STAT4: variants seen among roughly 807,000 people sequenced by gnomAD.
STAT4 encodes the protein signal transducer and activator of transcription 4.
In STAT4, 42 loss-of-function variants were observed where a neutral mutation model predicts 110.5. The observed-to-expected ratio is 0.38, with a 90% CI of 0.30 to 0.49. The LOEUF (loss-of-function observed/expected upper bound fraction) is 0.49. Among genes scored for constraint, STAT4 ranks in the 20% least tolerant of loss-of-function variants. STAT4 has a pLI of 0.95. For missense variants in STAT4, 632 were observed against 887.9 expected (o/e 0.71, Z 3.66); for synonymous variants, 284 against 302.2 (o/e 0.94, Z 0.63).
At chr2:191,036,835 C>T (rs780859806) in intron 16 of STAT4, among the ~76,000 whole-genome samples, 4 of 152,164 alleles carry the variant, frequency 2.6e-5, no homozygotes, top group South Asian at 2.1e-4. Flanking sequence ...GTAACAATTA[C>T]GCTTATGACA....
chr2:191,137,657 T>C (rs1267370391), intron 3 of STAT4, among the ~76,000 whole-genome samples: 2 of 152,158 alleles, frequency 1.3e-5, no homozygotes, highest in Admixed American at 6.5e-5. Context: ...ATGTTACTGG[T>C]ATAAAAACAG....
chr2:191,100,168 C>A (rs1574154920), intron 3 of STAT4, among the ~76,000 whole-genome samples: 1 of 152,154 alleles, frequency 6.6e-6, no homozygotes, highest in Non-Finnish European at 1.5e-5. Context: ...TAAAACCATT[C>A]TCTGATGACT....
intron 4 of STAT4, 180 bp downstream of exon 4, chr2:191,076,047 T>C: frequency 1.9e-6 from 1 of 517,984 alleles, no homozygotes. Context: ...GGAGACAGGG[T>C]CTTGCTGCAT....
In STAT4 at chr2:191,147,049, T is replaced by C. The variant is rs940446630; in HGVS notation, c.129-292A>G. Among the ~76,000 whole-genome samples the C allele has an allele frequency of 6.6e-6, 1 of 152,102 alleles. No individual in the cohort carries two copies. The highest frequency in any genetic ancestry group is 6.6e-5 in the Admixed American group (1 of 15,260). On this transcript the variant is annotated intron_variant, in intron 2 of 23. Transcript: ENST00000392320. This position sits in a 1 kb window ranked among gnomAD's most constrained non-coding sequence, Gnocchi z 4.1. ...AGGATACAGAGAAATTGTGCAATGCTGGTGGGAAGGTAAAATGGTCAATCA... is the reference window on the plus strand; with the variant it reads ...AGGATACAGAGAAATTGTGCAATGCCGGTGGGAAGGTAAAATGGTCAATCA...
chr2:191,129,442 G>A (rs112237114), intron 3 of STAT4, among the ~76,000 whole-genome samples: 3 of 152,056 alleles, frequency 2.0e-5, no homozygotes, highest in African/African-American at 7.2e-5. Context: ...AAAAGAAAAG[G>A]TCTCTTTTAA....
In STAT4 at chr2:191,135,884, C is replaced by G. The variant is rs1259683477; in HGVS notation, c.273+10729G>C. 1.3e-5 allele frequency among the ~76,000 whole-genome samples: 2 copies of G among 152,130 alleles called. No individual in the cohort carries two copies. Among genetic ancestry groups the G allele is most frequent in the Middle Eastern group, 3.4e-3 (1 of 294 alleles). On this transcript the variant is annotated intron_variant, in intron 3 of 23. Coordinates refer to ENST00000392320, the MANE Select transcript of STAT4 (RefSeq NM_003151.4). This position sits in a 1 kb window ranked among gnomAD's most constrained non-coding sequence, Gnocchi z 4.8. ...TAGCTCGTTCTATGCCAGCACTACCCTGGTACCAAAACCAGACAAGGACAC... is the reference window on the plus strand; with the variant it reads ...TAGCTCGTTCTATGCCAGCACTACCGTGGTACCAAAACCAGACAAGGACAC...
At position 191,033,474 on chromosome 2, in the gene STAT4, A is replaced by C. The variant is rs1186091458; in HGVS notation, c.1852+16T>G. ...GAAAACTAATTTCACATGAATAAAC[A>C]TTAGTGAGTATATACCACTTTCAGA... On this transcript the variant is annotated intron_variant, in intron 20 of 23. Coordinates refer to ENST00000392320, the MANE Select transcript of STAT4 (RefSeq NM_003151.4). The surrounding 1 kb of genome is among the most constrained non-coding windows in gnomAD (Gnocchi z 6.9). 6.3e-7 allele frequency: 1 copy of C among 1,589,778 alleles called. No individual in the cohort carries two copies. The highest frequency in any genetic ancestry group is 8.5e-7 in the Non-Finnish European group (1 of 1,173,554).
rs1695897987 is a variant in STAT4 at position 191,031,626 on chromosome 2, A to G, written c.2045-110T>C. The G allele has an allele frequency of 1.2e-6, 1 of 859,878 alleles. No homozygotes were observed. Among genetic ancestry groups the G allele is most frequent in the South Asian group, 1.7e-5 (1 of 60,500 alleles). 53.3% of individuals were successfully genotyped at this position (859,878 alleles called of 1,614,324 possible). A position where few individuals can be genotyped will look rare whatever the true frequency, so the allele number is the denominator to read the frequency against. Reference sequence around the variant, plus strand: ...TAACAATGATAAGAGGAAGAGAGATAACGCAGTTGTTCGGTGATACACAGA... The same window carrying G: ...TAACAATGATAAGAGGAAGAGAGATGACGCAGTTGTTCGGTGATACACAGA... On this transcript the variant is annotated intron_variant, in intron 21 of 23. Coordinates refer to ENST00000392320, the MANE Select transcript of STAT4 (RefSeq NM_003151.4). This position sits in a 1 kb window ranked among gnomAD's most constrained non-coding sequence, Gnocchi z 4.8.
chr2:191,124,453 C>CAAAAA (rs34438452), intron 3 of STAT4, among the ~76,000 whole-genome samples: 5 of 71,228 alleles, frequency 7.0e-5, no homozygotes, highest in African/African-American at 1.2e-4. Flanking sequence ...GACGCCGTCT[C>CAAAAA]AAAAAAAAAA....
chr2:191,034,435 A>C (rs1444149243), intron 18 of STAT4, 113 bp downstream of exon 18: 1 of 908,504 alleles, frequency 1.1e-6, no homozygotes, highest in African/African-American at 1.7e-5. Context: ...AAAAAAAAAA[A>C]AAAGAAAAAT....
chr2:191,101,055 C>T (rs188115310), intron 3 of STAT4, among the ~76,000 whole-genome samples: 1 of 152,150 alleles, frequency 6.6e-6, no homozygotes, highest in Non-Finnish European at 1.5e-5. Context: ...CTCTACCCTG[C>T]CTTTCTCTCC....
chr2:191,122,069 T>A lies in STAT4; in HGVS notation c.273+24544A>T, dbSNP rs564824179. On this transcript the variant is annotated intron_variant, in intron 3 of 23. Transcript: ENST00000392320. ...ATTCCATATTTTTTTTGTTTGTAAC[T>A]CAAAGGGGAAGTGCTTGAGGGGATG... is the stretch of plus-strand genomic sequence containing the variant. 7 of 152,114 alleles carry A rather than the reference T, an allele frequency of 4.6e-5. 1 individual carries two copies. In the South Asian group the frequency reaches 1.2e-3, roughly 27 times the overall value. The allele number at this position is 152,114 out of a possible 1,614,324, so 9.4% of individuals were successfully genotyped here.
At chr2:191,052,919 T>C (rs1282013853) in intron 14 of STAT4, among the ~76,000 whole-genome samples, 1 of 152,224 alleles carries the variant, frequency 6.6e-6, no homozygotes, top group African/African-American at 2.4e-5. Flanking sequence ...GTGATTTCTT[T>C]GACTGCAGAG....
chr2:191,082,430 G>A lies in STAT4; in HGVS notation c.274-6105C>T, dbSNP rs1342804996. ...GTTGCACCAACAGTGCACATAATTCGATTGAAGTGACAACAACATGATAGC... is the reference window on the plus strand; with the variant it reads ...GTTGCACCAACAGTGCACATAATTCAATTGAAGTGACAACAACATGATAGC... On this transcript the variant is annotated intron_variant, in intron 3 of 23. Coordinates refer to ENST00000392320, the MANE Select transcript of STAT4 (RefSeq NM_003151.4). The surrounding 1 kb of genome is among the most constrained non-coding windows in gnomAD (Gnocchi z 4.7). Among the ~76,000 whole-genome samples, 3 of 152,140 alleles carry A rather than the reference G, an allele frequency of 2.0e-5. No homozygotes were observed. The highest frequency in any genetic ancestry group is 1.5e-5 in the Non-Finnish European group (1 of 68,026).
chr2:191,119,529 CCT>C (rs963138847), intron 3 of STAT4, among the ~76,000 whole-genome samples: 6 of 151,954 alleles, frequency 3.9e-5, no homozygotes, highest in Admixed American at 2.0e-4. Context: ...AAATTGAAGA[CCT>C]GAATAAATGA....
In STAT4 at chr2:191,077,011, A is replaced by T. The variant is rs1164363454; in HGVS notation, c.274-686T>A. Among the ~76,000 whole-genome samples the T allele has an allele frequency of 6.6e-6, 1 of 152,132 alleles. No individual in the cohort carries two copies. The highest frequency in any genetic ancestry group is 1.5e-5 in the Non-Finnish European group (1 of 68,022). ...CTGTGTGTCATGGTTTGCTTAAAGC[A>T]TTTGTTTCTGTCCCTATTTGGTACT... On this transcript the variant is annotated intron_variant, in intron 3 of 23. Transcript: ENST00000392320. This position sits in a 1 kb window ranked among gnomAD's most constrained non-coding sequence, Gnocchi z 4.1.
In STAT4 at chr2:191,140,173, G is replaced by A. The variant is rs887651192; in HGVS notation, c.273+6440C>T. Among the ~76,000 whole-genome samples, 6 of 152,180 alleles carry A rather than the reference G, an allele frequency of 3.9e-5. No homozygotes were observed. The highest frequency in any genetic ancestry group is 7.3e-5 in the Non-Finnish European group (5 of 68,044). ...ACATAACATTGGAAAAATACTTCTAGGCATTGGCTTAGGCAAAGAATTCAT... is the reference window on the plus strand; with the variant it reads ...ACATAACATTGGAAAAATACTTCTAAGCATTGGCTTAGGCAAAGAATTCAT... On this transcript the variant is annotated intron_variant, in intron 3 of 23. Transcript: ENST00000392320. The surrounding 1 kb of genome is among the most constrained non-coding windows in gnomAD (Gnocchi z 4.4).
intron 14 of STAT4, among the ~76,000 whole-genome samples, chr2:191,045,625 G>C (rs1696327710): frequency 6.6e-6 from 1 of 152,156 alleles, no homozygotes; most frequent in South Asian, 2.1e-4. Flanking sequence ...GTTTGCATTT[G>C]AAATCAGAAA....
rs1019625310 is a variant in STAT4 at position 191,036,243 on chromosome 2, C to T, written c.1491G>A (p.Val497=). 1.2e-6 allele frequency: 2 copies of T among 1,614,030 alleles called. No homozygotes were observed. Among genetic ancestry groups the T allele is most frequent in the Middle Eastern group, 1.6e-4 (1 of 6,084 alleles). The stretch of plus-strand genomic sequence containing the variant: ...CGTACGATGAAAACTGCCAGCTCAT[C>T]ACCTCCAGTAGTTGACTCAATGTGG... The part of the protein sequence containing the change: ...PPATLSQLLE[V]MSWQFSSYVG... Residue 497 remains valine (V), a synonymous_variant, in exon 17 of 24, where the codon GTG becomes GTA. Coordinates refer to ENST00000392320, the MANE Select transcript of STAT4 (RefSeq NM_003151.4).
Sources: gnomAD v4.1 joint callset for allele counts (sites outside exome capture counted in the v4.1 genomes callset) on GRCh38, gnomAD v4.1.1 for gene constraint, Gnocchi (gnomAD v3.1) non-coding constraint, MANE v1.5 for transcripts, NCBI Gene and HGNC (gene_info 2026-07-23, HGNC 2026-07-21) for gene names.